The following PPP1R12A variants were observed in gnomAD, a reference collection of about 807,000 sequenced individuals.
PPP1R12A encodes the protein protein phosphatase 1 regulatory subunit 12A.
In PPP1R12A, 19 loss-of-function variants were observed where a neutral mutation model predicts 139.6. The observed-to-expected ratio is 0.14, with a 90% CI of 0.09 to 0.20. The LOEUF (loss-of-function observed/expected upper bound fraction) is 0.20. Ranked by LOEUF, PPP1R12A falls within the 10% of genes least tolerant of loss-of-function variation. The probability of loss-of-function intolerance (pLI) is 1.00; values close to 1 mark genes in which losing one functional copy is unlikely to be tolerated. For synonymous variants in PPP1R12A, 427 were observed against 420.6 expected (o/e 1.02, Z -0.19); for missense variants, 925 against 1,211.5 (o/e 0.76, Z 3.51).
intron 1 of PPP1R12A, among the ~76,000 whole-genome samples, chr12:79,900,802 A>G (rs1290007291): frequency 6.6e-6 from 1 of 152,146 alleles, no homozygotes; most frequent in Non-Finnish European, 1.5e-5. Flanking sequence ...ATAGTATAGA[A>G]GGATTGTCCA....
chr12:79,935,412 C>G (rs1347632399), upstream of PPP1R12A: 1 of 991,768 alleles, frequency 1.0e-6, no homozygotes, highest in African/African-American at 1.7e-5. Flanking sequence ...TCCCGGGAAT[C>G]CGGAGGCCAG....
intron 1 of PPP1R12A, among the ~76,000 whole-genome samples, chr12:79,907,077 T>C (rs868333284): frequency 2.0e-5 from 3 of 151,962 alleles, no homozygotes; most frequent in Non-Finnish European, 4.4e-5. Flanking sequence ...AATAACTCTA[T>C]CTCCCCTCAC....
At chr12:79,831,545 C>G (rs984438777) in intron 4 of PPP1R12A, among the ~76,000 whole-genome samples, 1 of 152,006 alleles carries the variant, frequency 6.6e-6, no homozygotes, top group Non-Finnish European at 1.5e-5. Flanking sequence ...AAAGGTGACT[C>G]ATATATTCTT....
intron 5 of PPP1R12A, among the ~76,000 whole-genome samples, chr12:79,823,170 C>T (rs1251375914): frequency 6.6e-6 from 1 of 152,056 alleles, no homozygotes; most frequent in Non-Finnish European, 1.5e-5. Context: ...ATATTTCCTG[C>T]TGCCTGCATT....
intron 1 of PPP1R12A, among the ~76,000 whole-genome samples, chr12:79,899,975 C>A (rs188384331): frequency 6.6e-6 from 1 of 152,228 alleles, no homozygotes; most frequent in East Asian, 1.9e-4. Context: ...TGTTATTTTG[C>A]ATATTATTCA....
At chr12:79,806,138 C>T (rs1308847629) in intron 13 of PPP1R12A, 28 bp downstream of exon 13, 5 of 1,610,126 alleles carry the variant, frequency 3.1e-6, no homozygotes, top group Non-Finnish European at 4.2e-6. Flanking sequence ...CACAGTAGAC[C>T]TGAGCACAAA....
Position 79,797,299 on chromosome 12 carries a change from C to T in PPP1R12A, c.2188G>A (p.Glu730Lys). ...TCTTTATCTTGTTTCTCTTTTTCCT[C>T]TTTTTCTTTTTCTTCATTTTCTTGT... ...REQENEEKEK[E>K]EKEKQDKEKQ... is the part of the protein sequence containing the mutation. The change falls in exon 16 of 25, where the codon GAG (glutamate) becomes AAG (lysine). Residue 730 changes from glutamate (E) to lysine (K), a missense_variant. Around this residue, in one of 4 missense-constraint regions of PPP1R12A, gnomAD observed 315 missense variants for 363.4 expected, o/e 0.87. Coordinates refer to ENST00000450142, the MANE Select transcript of PPP1R12A (RefSeq NM_002480.3). 1 of 1,589,954 alleles carries T rather than the reference C, an allele frequency of 6.3e-7. No homozygotes were observed. The highest frequency in any genetic ancestry group is 8.6e-7 in the Non-Finnish European group (1 of 1,166,502).
intron 1 of PPP1R12A, among the ~76,000 whole-genome samples, chr12:79,914,482 TG>T (rs950323691): frequency 6.6e-6 from 1 of 152,120 alleles, no homozygotes; most frequent in African/African-American, 2.4e-5. Context: ...TGATAACTGC[TG>T]ATTTAAAATT....
intron 9 of PPP1R12A, among the ~76,000 whole-genome samples, chr12:79,812,747 A>AAAAC (rs1372324568): frequency 2.6e-5 from 4 of 152,110 alleles, no homozygotes; most frequent in Non-Finnish European, 5.9e-5. Context: ...TGTCTAAAAT[A>AAAAC]AAACACCTTT....
At chr12:79,837,056 A>G (rs1305617702) in intron 3 of PPP1R12A, among the ~76,000 whole-genome samples, 1 of 152,246 alleles carries the variant, frequency 6.6e-6, no homozygotes, top group East Asian at 1.9e-4. Context: ...TATCATTATC[A>G]GTTTGAAAAG....
chr12:79,915,646 T>C (rs1886931836), intron 1 of PPP1R12A, among the ~76,000 whole-genome samples: 1 of 152,170 alleles, frequency 6.6e-6, no homozygotes, highest in Admixed American at 6.5e-5. Flanking sequence ...ATACCCATTA[T>C]CTTTTCATCT....
chr12:79,777,706 G>T, intron 24 of PPP1R12A: 1 of 906,794 alleles, frequency 1.1e-6, no homozygotes, highest in Non-Finnish European at 1.3e-6. Flanking sequence ...AAATGGAAAA[G>T]AGTATAATAA....
At chr12:79,814,092 T>A (rs973464998) in intron 9 of PPP1R12A, among the ~76,000 whole-genome samples, 4 of 152,066 alleles carry the variant, frequency 2.6e-5, no homozygotes, top group Non-Finnish European at 5.9e-5. Context: ...CTTGAAAAAA[T>A]TTTAAAAAAT....
chr12:79,921,719 T>C (rs973049091), intron 1 of PPP1R12A, among the ~76,000 whole-genome samples: 2 of 152,238 alleles, frequency 1.3e-5, no homozygotes, highest in African/African-American at 4.8e-5. Flanking sequence ...GATCTCTCTA[T>C]GTTTCTTGCA....
intron 2 of PPP1R12A, among the ~76,000 whole-genome samples, chr12:79,849,994 TA>T (rs962601288): frequency 7.8e-4 from 114 of 145,250 alleles, no homozygotes; most frequent in Admixed American, 6.9e-4. Flanking sequence ...CAGCTAAATT[TA>T]AAAAAAAAAA....
intron 3 of PPP1R12A, among the ~76,000 whole-genome samples, chr12:79,844,841 T>C (rs1024299538): frequency 2.0e-5 from 3 of 152,156 alleles, no homozygotes; most frequent in Non-Finnish European, 4.4e-5. Flanking sequence ...TCTCTGCATA[T>C]ACAAGACAAC....
intron 1 of PPP1R12A, among the ~76,000 whole-genome samples, chr12:79,921,332 T>A (rs966731656): frequency 6.6e-6 from 1 of 151,900 alleles, no homozygotes; most frequent in African/African-American, 2.4e-5. Flanking sequence ...TGAAACTACA[T>A]AAATAACACA....
At chr12:79,832,545 G>T in intron 3 of PPP1R12A, 54 bp from the exon 4 acceptor site, 1 of 1,489,150 alleles carries the variant, frequency 6.7e-7, no homozygotes, top group Non-Finnish European at 9.0e-7. Context: ...GTTCCATGTT[G>T]GGAAATAAAA....
At chr12:79,873,751 C>T (rs991905535) in intron 1 of PPP1R12A, among the ~76,000 whole-genome samples, 1 of 152,222 alleles carries the variant, frequency 6.6e-6, no homozygotes, top group Non-Finnish European at 1.5e-5. Flanking sequence ...CCCTTGTATA[C>T]AGGTCTTTTT....
Sources: gnomAD v4.1 joint callset for allele counts (sites outside exome capture counted in the v4.1 genomes callset) on GRCh38, gnomAD v4.1.1 for gene constraint, gnomAD v4.1.1 regional missense constraint, MANE v1.5 for transcripts, NCBI Gene and HGNC (gene_info 2026-07-23, HGNC 2026-07-21) for gene names.